SRGAP3: variants seen among roughly 807,000 people sequenced by gnomAD.
SRGAP3 encodes the protein SLIT-ROBO Rho GTPase-activating protein 3.
Under a neutral mutation model 121.1 loss-of-function variants are expected in SRGAP3, and 39 were observed. That is an observed-to-expected ratio of 0.32 (90% CI 0.25 to 0.42). SRGAP3 has a LOEUF of 0.42. SRGAP3 is among the 10% of genes least tolerant of loss of function. The probability of loss-of-function intolerance (pLI) is 1.00; values close to 1 mark genes in which losing one functional copy is unlikely to be tolerated. For synonymous variants in SRGAP3, 601 were observed against 570.0 expected (o/e 1.05, Z -0.77); for missense variants, 1,213 against 1,470.6 (o/e 0.82, Z 2.86).
At chr3:9,070,640 T>G (rs911492094) in intron 4 of SRGAP3, among the ~76,000 whole-genome samples, 1 of 151,494 alleles carries the variant, frequency 6.6e-6, no homozygotes, top group African/African-American at 2.4e-5. Context: ...AATGCAGGGA[T>G]GGGTAGATAG....
At chr3:9,091,453 C>T (rs953070747) in intron 3 of SRGAP3, among the ~76,000 whole-genome samples, 1 of 152,192 alleles carries the variant, frequency 6.6e-6, no homozygotes, top group Non-Finnish European at 1.5e-5. Flanking sequence ...CCCACTTCTT[C>T]TCCACACTCT....
chr3:9,042,648 A>C (rs896011407), intron 10 of SRGAP3, among the ~76,000 whole-genome samples: 5 of 152,172 alleles, frequency 3.3e-5, no homozygotes, highest in Non-Finnish European at 4.4e-5. Context: ...AAAACAGGCA[A>C]ATTTGTCCTG....
At chr3:9,083,226 CA>C (rs1376976151) in intron 3 of SRGAP3, among the ~76,000 whole-genome samples, 18 of 152,178 alleles carry the variant, frequency 1.2e-4, no homozygotes, top group Non-Finnish European at 2.4e-4. Flanking sequence ...TCAAACTCCC[CA>C]ACACCTTTGA....
intron 3 of SRGAP3, among the ~76,000 whole-genome samples, chr3:9,269,138 G>T (rs1333791159): frequency 6.6e-6 from 1 of 152,194 alleles, no homozygotes; most frequent in African/African-American, 2.4e-5. Context: ...GTCATTTCTT[G>T]CAGGATGAAT....
At chr3:9,134,875 C>G (rs536070366) in intron 1 of SRGAP3, among the ~76,000 whole-genome samples, 13 of 152,274 alleles carry the variant, frequency 8.5e-5, no homozygotes, top group Non-Finnish European at 1.6e-4. Context: ...CTGGGTTCAC[C>G]TGCCCGGTGG....
intron 12 of SRGAP3, among the ~76,000 whole-genome samples, chr3:9,030,459 T>C (rs1188291277): frequency 1.3e-5 from 2 of 152,208 alleles, no homozygotes; most frequent in Non-Finnish European, 2.9e-5. Context: ...TCCATTTGAA[T>C]ACATAGTCTT....
chr3:9,131,701 C>T (rs1377300941), intron 1 of SRGAP3, among the ~76,000 whole-genome samples: 1 of 152,078 alleles, frequency 6.6e-6, no homozygotes, highest in Non-Finnish European at 1.5e-5. Flanking sequence ...CTCGGCCTCC[C>T]AAAGTGCTGG....
chr3:9,322,530 T>C (rs1320882611), intron 3 of SRGAP3, among the ~76,000 whole-genome samples: 1 of 151,780 alleles, frequency 6.6e-6, no homozygotes, highest in African/African-American at 2.4e-5. Context: ...AAGGGAGCAT[T>C]ACCACCTGAG....
chr3:8,990,824 A>T lies in SRGAP3; in HGVS notation c.2574T>A (p.Ser858=), dbSNP rs375311145. ...GGVMGRVRLR[S]DGAAIPRRRS... The stretch of plus-strand genomic sequence containing the variant: ...GGCGTCTGGGGATGGCTGCTCCATC[A>T]GATCGTAACCGCACTCTGCAAAGGA... Residue 858 remains serine, a synonymous_variant, in exon 21 of 22, where the codon TCT becomes TCA. Coordinates refer to ENST00000383836, the MANE Select transcript of SRGAP3 (RefSeq NM_014850.4). 1.5e-5 allele frequency: 24 copies of T among 1,558,886 alleles called. No homozygotes were observed. The African/African-American group carries it at 2.4e-4, about 16-fold the overall frequency.
intron 3 of SRGAP3, among the ~76,000 whole-genome samples, chr3:9,298,939 C>A (rs1172962022): frequency 2.0e-5 from 3 of 151,094 alleles, no homozygotes; most frequent in African/African-American, 2.4e-5. Flanking sequence ...GTAATCCTGG[C>A]TACTCGGGAG....
At chr3:9,059,878 A>G in intron 6 of SRGAP3, 1 of 351,562 alleles carries the variant, frequency 2.8e-6, no homozygotes, top group South Asian at 2.4e-5. Context: ...CCACACTGGG[A>G]AATCCCCCAA....
chr3:9,019,663 A>G (rs367626637), intron 14 of SRGAP3, among the ~76,000 whole-genome samples: 1 of 152,254 alleles, frequency 6.6e-6, no homozygotes, highest in African/African-American at 2.4e-5. Context: ...AAGTGAATAC[A>G]TGTCACTGCC....
intron 5 of SRGAP3, among the ~76,000 whole-genome samples, chr3:9,063,836 T>C (rs1285722196): frequency 6.6e-6 from 1 of 152,198 alleles, no homozygotes; most frequent in Non-Finnish European, 1.5e-5. Context: ...CTAGAATTCC[T>C]CCCACCACAC....
At chr3:9,092,884 T>C in intron 3 of SRGAP3, among the ~76,000 whole-genome samples, 1 of 152,176 alleles carries the variant, frequency 6.6e-6, no homozygotes, top group East Asian at 1.9e-4. Flanking sequence ...TGAATCTCTG[T>C]GGGCCCAGAA....
chr3:8,999,604 G>C (rs148122421), intron 18 of SRGAP3, among the ~76,000 whole-genome samples: 2 of 152,238 alleles, frequency 1.3e-5, no homozygotes, highest in African/African-American at 4.8e-5. Context: ...GTTTACTAGA[G>C]GCCAAGTCAC....
intron 9 of SRGAP3, chr3:9,049,282 CTG>C: frequency 2.5e-6 from 1 of 405,182 alleles, no homozygotes; most frequent in South Asian, 1.8e-5. Flanking sequence ...TCTGGAACGA[CTG>C]GGCTGGTGGG....
chr3:9,130,135 A>G (rs1056246960), intron 1 of SRGAP3, among the ~76,000 whole-genome samples: 2 of 152,146 alleles, frequency 1.3e-5, no homozygotes, highest in African/African-American at 4.8e-5. Context: ...CAGCTCACAC[A>G]CACACAAACA....
intron 10 of SRGAP3, among the ~76,000 whole-genome samples, chr3:9,043,052 T>G (rs574997860): frequency 6.6e-6 from 1 of 152,164 alleles, no homozygotes; most frequent in Non-Finnish European, 1.5e-5. Context: ...GATCACCCTA[T>G]CTAAAGCAGG....
intron 9 of SRGAP3, among the ~76,000 whole-genome samples, chr3:9,051,665 G>T (rs1185206890): frequency 6.6e-6 from 1 of 151,108 alleles, no homozygotes; most frequent in African/African-American, 2.4e-5. Flanking sequence ...CATATGAATA[G>T]GAGCATAGTA....
Sources: allele counts gnomAD v4.1 joint callset (sites outside exome capture counted in the v4.1 genomes callset), GRCh38; gene constraint gnomAD v4.1.1; transcripts MANE v1.5; gene names NCBI Gene and HGNC (gene_info 2026-07-23, HGNC 2026-07-21).